Variants in CMSS1 observed in about 807,000 individuals in gnomAD.
The protein encoded by CMSS1 is cms1 ribosomal small subunit homolog.
A neutral mutation model predicts 43.5 loss-of-function variants in CMSS1; 33 were observed. The observed-to-expected ratio is 0.76, with a 90% CI of 0.57 to 1.01. CMSS1 has a LOEUF of 1.01. CMSS1 is among the 50% of genes least tolerant of loss of function. CMSS1 has a pLI of 0.00. For synonymous variants in CMSS1, 115 were observed against 117.2 expected, an observed-to-expected ratio of 0.98 and a Z score of 0.12; for missense variants, 313 against 326.4, an observed-to-expected ratio of 0.96 and a Z score of 0.32.
At chr3:99,836,409 A>C (rs1364238960) in intron 1 of CMSS1, among the ~76,000 whole-genome samples, 1 of 152,148 alleles carries the variant, frequency 6.6e-6, no homozygotes, top group Non-Finnish European at 1.5e-5. Flanking sequence ...GCTAAGTTTG[A>C]AGTGTATAGT....
At chr3:99,878,462 T>C (rs1705612040) in intron 1 of CMSS1, among the ~76,000 whole-genome samples, 1 of 152,240 alleles carries the variant, frequency 6.6e-6, no homozygotes, top group East Asian at 1.9e-4. Context: ...CTTCTACATA[T>C]ATAGTCTTAC....
In CMSS1 at chr3:99,925,798, G is replaced by A. The variant is rs560455473; in HGVS notation, c.64+107755G>A. 62 of 960,396 alleles carry A rather than the reference G, an allele frequency of 6.5e-5. No homozygotes were observed. In the African/African-American group the frequency reaches 1.1e-3, roughly 17 times the overall value. The allele number at this position is 960,396 out of a possible 1,614,324, so 59.5% of individuals were successfully genotyped here. A position where few individuals can be genotyped will look rare whatever the true frequency, so the allele number is the denominator to read the frequency against. ...CATAAAGGAAGAACCAGGCAGTAAA[G>A]AACATGCCAGTGGCCAAAAGCATCA... On this transcript the variant is annotated intron_variant, in intron 1 of 9. Coordinates refer to ENST00000421999, the MANE Select transcript of CMSS1 (RefSeq NM_032359.4).
At chr3:99,846,596 C>T (rs1943374269) in intron 1 of CMSS1, among the ~76,000 whole-genome samples, 1 of 152,204 alleles carries the variant, frequency 6.6e-6, no homozygotes, top group African/African-American at 2.4e-5. Context: ...GAAGCTTTCT[C>T]ATTCATCAGC....
At chr3:100,013,530 C>T (rs1710229021) in intron 1 of CMSS1, among the ~76,000 whole-genome samples, 1 of 152,112 alleles carries the variant, frequency 6.6e-6, no homozygotes, top group African/African-American at 2.4e-5. Flanking sequence ...AGGCATGAGC[C>T]ACCACACTCG....
intron 1 of CMSS1, among the ~76,000 whole-genome samples, chr3:99,920,769 G>A (rs1285674801): frequency 6.6e-6 from 1 of 152,160 alleles, no homozygotes; most frequent in Non-Finnish European, 1.5e-5. Context: ...CTCCTTTAGG[G>A]TTTTCCACAT....
At chr3:100,090,822 A>C (rs2066090831) in intron 1 of CMSS1, among the ~76,000 whole-genome samples, 1 of 152,158 alleles carries the variant, frequency 6.6e-6, no homozygotes, top group Non-Finnish European at 1.5e-5. Context: ...TGGCCTCAGG[A>C]ATATGGTATC....
chr3:100,014,743 T>C lies in CMSS1; in HGVS notation c.65-132230T>C, dbSNP rs114596346. 4.5e-3 allele frequency among the ~76,000 whole-genome samples: 686 copies of C among 151,964 alleles called. 6 individuals are homozygous for C. Among genetic ancestry groups the C allele is most frequent in the African/African-American group, 0.016 (669 of 41,522 alleles). On this transcript the variant is annotated intron_variant, in intron 1 of 9. Coordinates refer to ENST00000421999, the MANE Select transcript of CMSS1 (RefSeq NM_032359.4). ...TGTTTTGGATATTGGATATTAACCCTTTATCAGATGATTGGTTCACAAATG... is the reference window on the plus strand; with the variant it reads ...TGTTTTGGATATTGGATATTAACCCCTTATCAGATGATTGGTTCACAAATG...
chr3:99,997,072 C>G (rs1369309704), intron 1 of CMSS1, among the ~76,000 whole-genome samples: 1 of 152,044 alleles, frequency 6.6e-6, no homozygotes, highest in South Asian at 2.1e-4. Context: ...CCTAACATCA[C>G]AAACTAAACC....
rs537936599 is a variant in CMSS1, at chr3:99,824,560, A to C, written c.64+6517A>C. Reference sequence around the variant, plus strand: ...TTGTTAGTTAACCAATTAATTATTAATATTTCGTAGTCACACCTTGAAGAC... The same window carrying C: ...TTGTTAGTTAACCAATTAATTATTACTATTTCGTAGTCACACCTTGAAGAC... On this transcript the variant is annotated intron_variant, in intron 1 of 9. Transcript: ENST00000421999. 3.9e-5 allele frequency among the ~76,000 whole-genome samples: 6 copies of C among 152,352 alleles called. No homozygotes were observed. In the East Asian group the frequency reaches 7.7e-4, roughly 20 times the overall value.
intron 9 of CMSS1, among the ~76,000 whole-genome samples, chr3:100,177,205 A>G (rs1447485931): frequency 6.6e-6 from 1 of 152,220 alleles, no homozygotes; most frequent in Admixed American, 6.5e-5. Context: ...AGATTGACCA[A>G]ACCTGATTAT....
At chr3:99,923,013 A>G (rs1370780206) in intron 1 of CMSS1, among the ~76,000 whole-genome samples, 1 of 151,638 alleles carries the variant, frequency 6.6e-6, no homozygotes, top group Non-Finnish European at 1.5e-5. Flanking sequence ...GTGCTATTTG[A>G]CTGTTCACTC....
At chr3:100,088,734 G>T (rs2066054415) in intron 1 of CMSS1, among the ~76,000 whole-genome samples, 1 of 151,702 alleles carries the variant, frequency 6.6e-6, no homozygotes, top group African/African-American at 2.4e-5. Flanking sequence ...TCTTGTCCTT[G>T]TGCCTTGTAA....
At chr3:100,157,395 C>T (rs2066985168) in intron 2 of CMSS1, among the ~76,000 whole-genome samples, 1 of 152,032 alleles carries the variant, frequency 6.6e-6, no homozygotes, top group African/African-American at 2.4e-5. Context: ...TATTTATTTG[C>T]TCTTGTGTTG....
chr3:99,834,739 T>G (rs1942826881), intron 1 of CMSS1, among the ~76,000 whole-genome samples: 1 of 152,214 alleles, frequency 6.6e-6, no homozygotes. Context: ...ATTCTCAGGC[T>G]TACATCTTAT....
rs114628704 is a variant in CMSS1 at position 99,947,404 on chromosome 3, A to G, written c.64+129361A>G. 4.5e-3 allele frequency among the ~76,000 whole-genome samples: 683 copies of G among 152,288 alleles called. 6 individuals carry two copies. Among genetic ancestry groups the G allele is most frequent in the African/African-American group, 0.016 (670 of 41,568 alleles). ...TCATTGTATGGAGGTGCCATTATTT[A>G]TGTAACCATTCTCCTATTATTGGAT... On this transcript the variant is annotated intron_variant, in intron 1 of 9. Coordinates refer to ENST00000421999, the MANE Select transcript of CMSS1 (RefSeq NM_032359.4).
chr3:100,015,208 T>C (rs1191996535), intron 1 of CMSS1, among the ~76,000 whole-genome samples: 5 of 152,106 alleles, frequency 3.3e-5, no homozygotes, highest in African/African-American at 4.8e-5. Flanking sequence ...ACCCTAAAGA[T>C]GTGGATTAAT....
chr3:100,050,363 A>T (rs1334465440), intron 1 of CMSS1, among the ~76,000 whole-genome samples: 1 of 152,184 alleles, frequency 6.6e-6, no homozygotes, highest in Non-Finnish European at 1.5e-5. Flanking sequence ...TTTTAGATTT[A>T]TGTGAAATGC....
At chr3:100,034,857 A>G (rs1450248333) in intron 1 of CMSS1, among the ~76,000 whole-genome samples, 2 of 152,156 alleles carry the variant, frequency 1.3e-5, no homozygotes, top group Non-Finnish European at 2.9e-5. Context: ...ACATACGAAT[A>G]TATTTGTTTG....
intron 1 of CMSS1, among the ~76,000 whole-genome samples, chr3:99,839,237 G>T (rs1181905409): frequency 6.6e-6 from 1 of 152,102 alleles, no homozygotes; most frequent in Admixed American, 6.5e-5. Context: ...CCTTCTCTGT[G>T]TTGAGCTCTT....
Sources: allele counts gnomAD v4.1 joint callset (sites outside exome capture counted in the v4.1 genomes callset), GRCh38; gene constraint gnomAD v4.1.1; transcripts MANE v1.5; gene names NCBI Gene and HGNC (gene_info 2026-07-23, HGNC 2026-07-21).